The following STXBP5L variants were observed in gnomAD, a reference collection of about 807,000 sequenced individuals.
STXBP5L encodes the protein syntaxin binding protein 5L.
Under a neutral mutation model 144.5 loss-of-function variants are expected in STXBP5L, and 65 were observed. The observed-to-expected ratio is 0.45, with a 90% CI of 0.37 to 0.55. STXBP5L has a LOEUF of 0.55. STXBP5L is among the 20% of genes least tolerant of loss of function. The probability of loss-of-function intolerance (pLI) is 0.00; values close to 1 mark genes in which losing one functional copy is unlikely to be tolerated. For missense variants in STXBP5L, 1,298 were observed against 1,405.5 expected (o/e 0.92, Z 1.22); for synonymous variants, 505 against 469.6 (o/e 1.08, Z -0.97).
intron 22 of STXBP5L, among the ~76,000 whole-genome samples, chr3:121,398,459 C>A (rs1167981790): frequency 6.6e-6 from 1 of 152,236 alleles, no homozygotes; most frequent in African/African-American, 2.4e-5. Context: ...CCAGGATGGG[C>A]CCCTCATGGC....
chr3:121,180,536 A>G lies in STXBP5L; in HGVS notation c.877+22909A>G, dbSNP rs190282613. Among the ~76,000 whole-genome samples the G allele has an allele frequency of 5.9e-5, 9 of 152,336 alleles. No homozygotes were observed. The East Asian group carries it at 1.7e-3, about 29-fold the overall frequency. On this transcript the variant is annotated intron_variant, in intron 9 of 26. Coordinates refer to ENST00000471454, the MANE Select transcript of STXBP5L (RefSeq NM_001308330.2). Reference sequence around the variant, plus strand: ...TAAAACAATAATACAATGAAAAAACAAACAAACAATGTATTTAGGCAATAA... The same window carrying G: ...TAAAACAATAATACAATGAAAAAACGAACAAACAATGTATTTAGGCAATAA...
At chr3:121,067,560 T>C (rs1347573959) in intron 5 of STXBP5L, among the ~76,000 whole-genome samples, 6 of 152,252 alleles carry the variant, frequency 3.9e-5, no homozygotes, top group Admixed American at 3.3e-4. Context: ...TTTTAGTAAA[T>C]GTGCACAAAC....
At chr3:121,048,073 C>T (rs7628419) in intron 5 of STXBP5L, among the ~76,000 whole-genome samples, 15,129 of 152,048 alleles carry the variant, frequency 0.1, 1,186 homozygotes, top group Admixed American at 0.2. Flanking sequence ...ATTTGCTTAT[C>T]GGGAAAGAAT....
chr3:121,091,315 A>G (rs997149361), intron 5 of STXBP5L, among the ~76,000 whole-genome samples: 2 of 147,576 alleles, frequency 1.4e-5, no homozygotes, highest in Non-Finnish European at 3.0e-5. Flanking sequence ...GGCTGGGTCA[A>G]ATGGTATTTC....
intron 20 of STXBP5L, among the ~76,000 whole-genome samples, chr3:121,352,718 G>A (rs1375514617): frequency 1.3e-5 from 2 of 151,956 alleles, no homozygotes; most frequent in Non-Finnish European, 2.9e-5. Flanking sequence ...CCAACATTAT[G>A]TTAAATAGGA....
intron 10 of STXBP5L, among the ~76,000 whole-genome samples, chr3:121,214,375 T>A (rs1235838548): frequency 6.6e-6 from 1 of 152,180 alleles, no homozygotes; most frequent in Non-Finnish European, 1.5e-5. Context: ...AAACACTGAT[T>A]TAGCTGTGTC....
At chr3:121,347,908 G>A (rs1295071078) in intron 20 of STXBP5L, among the ~76,000 whole-genome samples, 3 of 152,272 alleles carry the variant, frequency 2.0e-5, no homozygotes, top group East Asian at 3.9e-4. Flanking sequence ...TGCAAACAGG[G>A]ACAATTTGAC....
intron 5 of STXBP5L, among the ~76,000 whole-genome samples, chr3:121,093,787 T>G (rs2042959190): frequency 6.6e-6 from 1 of 152,230 alleles, no homozygotes; most frequent in Non-Finnish European, 1.5e-5. Flanking sequence ...TCTGTTCTGA[T>G]TTTAGTTATT....
chr3:120,915,996 T>C (rs1468889895), intron 2 of STXBP5L, among the ~76,000 whole-genome samples: 1 of 152,172 alleles, frequency 6.6e-6, no homozygotes, highest in African/African-American at 2.4e-5. Flanking sequence ...ATTATACACC[T>C]TTAAAAATAA....
chr3:120,909,515 T>A, intron 1 of STXBP5L, 56 bp from the exon 2 acceptor site: 1 of 1,473,232 alleles, frequency 6.8e-7, no homozygotes, highest in Non-Finnish European at 9.2e-7. Context: ...TACCAAGGTC[T>A]AATTGCACGT....
chr3:121,272,048 A>G (rs2050750270), intron 18 of STXBP5L, among the ~76,000 whole-genome samples: 2 of 152,210 alleles, frequency 1.3e-5, no homozygotes, highest in African/African-American at 2.4e-5. Flanking sequence ...CTAACATGTT[A>G]TCTGTTCTGA....
intron 3 of STXBP5L, among the ~76,000 whole-genome samples, chr3:120,981,376 C>T (rs1292520880): frequency 6.6e-6 from 1 of 152,056 alleles, no homozygotes; most frequent in Non-Finnish European, 1.5e-5. Context: ...TTCTCAAAGG[C>T]TCTGCTCATT....
At chr3:121,025,917 AAT>A (rs2107479928) in intron 3 of STXBP5L, among the ~76,000 whole-genome samples, 1 of 119,768 alleles carries the variant, frequency 8.3e-6, no homozygotes, top group East Asian at 2.2e-4. Flanking sequence ...TAAATTTATA[AAT>A]ATATCTATAA....
intron 2 of STXBP5L, among the ~76,000 whole-genome samples, chr3:120,948,518 C>G (rs1341777566): frequency 1.3e-5 from 2 of 151,804 alleles, no homozygotes; most frequent in African/African-American, 4.8e-5. Flanking sequence ...GAGCAGTGTA[C>G]ACTGTACCCA....
At chr3:121,007,334 G>C (rs1037465685) in intron 3 of STXBP5L, among the ~76,000 whole-genome samples, 1 of 151,894 alleles carries the variant, frequency 6.6e-6, no homozygotes, top group Non-Finnish European at 1.5e-5. Flanking sequence ...ATATTTGTCT[G>C]TAGCTTTCTT....
At chr3:121,295,087 AG>A (rs1559944588) in intron 19 of STXBP5L, among the ~76,000 whole-genome samples, 1 of 152,176 alleles carries the variant, frequency 6.6e-6, no homozygotes, top group African/African-American at 2.4e-5. Flanking sequence ...AGATGTTAAA[AG>A]GAGTAGTTTG....
At chr3:121,309,486 A>G (rs2043454197) in intron 19 of STXBP5L, among the ~76,000 whole-genome samples, 2 of 152,166 alleles carry the variant, frequency 1.3e-5, no homozygotes, top group South Asian at 4.1e-4. Context: ...CAGAGTTACA[A>G]AATACATGAA....
chr3:121,045,600 G>C, intron 5 of STXBP5L, 65 bp downstream of exon 5: 1 of 1,445,576 alleles, frequency 6.9e-7, no homozygotes, highest in South Asian at 1.3e-5. Context: ...GCAAGTTTTT[G>C]TTAACTTGAC....
In STXBP5L at chr3:120,954,969, C is replaced by G. The variant is rs1262518207; in HGVS notation, c.219C>G (p.Pro73=). The part of the protein sequence containing the change: ...KTVRHGFPHQ[P]TALAFDPVQK... ...TTCGGCATGGTTTTCCTCATCAGCC[C>G]ACAGCATTAGCCTTTGATCCAGTTC... is the stretch of plus-strand genomic sequence containing the variant. Residue 73 remains proline, a synonymous_variant, in exon 3 of 27, where the codon CCC becomes CCG. Transcript: ENST00000471454. The G allele has an allele frequency of 2.5e-6, 4 of 1,612,410 alleles. No homozygotes were observed. The highest frequency in any genetic ancestry group is 4.5e-5 in the East Asian group (2 of 44,782).
Sources: gnomAD v4.1 joint callset for allele counts (sites outside exome capture counted in the v4.1 genomes callset) on GRCh38, gnomAD v4.1.1 for gene constraint, MANE v1.5 for transcripts, NCBI Gene and HGNC (gene_info 2026-07-23, HGNC 2026-07-21) for gene names.